Variants in PCSK5 observed in about 807,000 individuals in gnomAD.
The protein encoded by PCSK5 is prohormone convertase 5.
PCSK5 carries 129 observed loss-of-function variants against 233.2 expected under a neutral mutation model. The ratio of observed to expected loss-of-function variants is 0.55; its 90% CI spans 0.48 to 0.64. The LOEUF (loss-of-function observed/expected upper bound fraction) is 0.64. Ranked by LOEUF, PCSK5 falls within the 30% of genes least tolerant of loss-of-function variation. The pLI is 0.00. For synonymous variants in PCSK5, 825 were observed against 879.2 expected (o/e 0.94, Z 1.09); for missense variants, 2,076 against 2,430.1 (o/e 0.85, Z 3.06).
intron 5 of PCSK5, among the ~76,000 whole-genome samples, chr9:76,063,215 G>A (rs1447469872): frequency 6.7e-6 from 1 of 150,278 alleles, no homozygotes; most frequent in African/African-American, 2.5e-5. Context: ...GTTCACTGCA[G>A]CCTTGATCTC....
chr9:76,095,177 A>G (rs773874651), intron 7 of PCSK5, among the ~76,000 whole-genome samples: 4 of 152,202 alleles, frequency 2.6e-5, no homozygotes, highest in Non-Finnish European at 5.9e-5. Flanking sequence ...TATTTATGGT[A>G]GCATCCATTA....
chr9:76,270,034 C>CT (rs150429170), intron 24 of PCSK5, among the ~76,000 whole-genome samples: 1,903 of 149,646 alleles, frequency 0.013, 42 homozygotes, highest in African/African-American at 0.044. Flanking sequence ...ATGAGCAACT[C>CT]TTTTTTTTTT....
chr9:76,184,500 G>A (rs978537174), intron 16 of PCSK5, among the ~76,000 whole-genome samples, 173 bp from the exon 17 acceptor site: 15 of 152,202 alleles, frequency 9.9e-5, no homozygotes, highest in African/African-American at 3.6e-4. Context: ...GTTCCTGTCT[G>A]TACTTGGTTT....
intron 10 of PCSK5, among the ~76,000 whole-genome samples, chr9:76,153,543 G>A (rs1487273863): frequency 1.3e-5 from 2 of 152,172 alleles, no homozygotes; most frequent in Admixed American, 6.5e-5. Flanking sequence ...GCTCTGAACT[G>A]GGTGTGAGAA....
chr9:75,946,754 A>T (rs1298593603), intron 2 of PCSK5, among the ~76,000 whole-genome samples: 1 of 151,888 alleles, frequency 6.6e-6, no homozygotes, highest in African/African-American at 2.4e-5. Flanking sequence ...ATGCCAGCTA[A>T]TTTTTTTGTA....
At chr9:76,280,733 C>A (rs1450432162) in intron 24 of PCSK5, among the ~76,000 whole-genome samples, 1 of 151,838 alleles carries the variant, frequency 6.6e-6, no homozygotes, top group African/African-American at 2.4e-5. Flanking sequence ...CAGACTCTGT[C>A]TCAAAAAAAC....
intron 10 of PCSK5, among the ~76,000 whole-genome samples, chr9:76,151,490 C>G (rs1279029287): frequency 6.6e-6 from 1 of 152,212 alleles, no homozygotes; most frequent in Non-Finnish European, 1.5e-5. Context: ...CCCCTGCTGA[C>G]CATTCACCCG....
At chr9:75,949,663 G>A (rs911717783) in intron 2 of PCSK5, among the ~76,000 whole-genome samples, 4 of 151,976 alleles carry the variant, frequency 2.6e-5, no homozygotes, top group Non-Finnish European at 4.4e-5. Context: ...AAGTAGCTGG[G>A]ACTATAGGCG....
Position 76,358,551 on chromosome 9 carries a change from A to G in PCSK5, c.5293A>G (p.Thr1765Ala). 6.2e-7 allele frequency: 1 copy of G among 1,612,762 alleles called. No individual in the cohort carries two copies. The highest frequency in any genetic ancestry group is 8.5e-7 in the Non-Finnish European group (1 of 1,179,818). Residue 1765 changes from threonine to alanine, a missense_variant, in exon 38 of 38, where the codon ACT becomes GCT. Transcript: ENST00000674117. The part of the protein sequence containing the change: ...ILRTSKVRPA[T>A]EHFKTALFIT... ...TCGAACAAGCAAGGTTAGGCCTGCAACTGAGCATTTCAAGACAGCTCTGTT... is the reference window on the plus strand; with the variant it reads ...TCGAACAAGCAAGGTTAGGCCTGCAGCTGAGCATTTCAAGACAGCTCTGTT...
At chr9:76,275,751 C>T (rs1205073327) in intron 24 of PCSK5, among the ~76,000 whole-genome samples, 1 of 152,104 alleles carries the variant, frequency 6.6e-6, no homozygotes, top group Non-Finnish European at 1.5e-5. Flanking sequence ...TGTGGGAAGA[C>T]AGAAGAGAGA....
intron 1 of PCSK5, among the ~76,000 whole-genome samples, chr9:75,907,322 A>T (rs1826303175): frequency 6.6e-6 from 1 of 152,202 alleles, no homozygotes. Flanking sequence ...ACGTACGTAA[A>T]ATGTAAAATA....
chr9:76,112,818 A>G (rs1832277314), intron 9 of PCSK5, among the ~76,000 whole-genome samples: 1 of 152,052 alleles, frequency 6.6e-6, no homozygotes, highest in Admixed American at 6.6e-5. Context: ...AGTCAATGAA[A>G]TCGTTCTGGG....
intron 24 of PCSK5, among the ~76,000 whole-genome samples, chr9:76,259,225 C>A (rs973665287): frequency 6.6e-6 from 1 of 152,160 alleles, no homozygotes; most frequent in Non-Finnish European, 1.5e-5. Context: ...TCAGTGTCTA[C>A]CTCTTGTTCC....
At chr9:76,338,474 G>A (rs765682557) in intron 35 of PCSK5, 27 bp downstream of exon 35, 1 of 1,488,668 alleles carries the variant, frequency 6.7e-7, no homozygotes, top group East Asian at 2.3e-5. Context: ...CATTTTGCAT[G>A]AGTGCGTAGA....
At chr9:76,336,535 A>C (rs964075048) in intron 34 of PCSK5, among the ~76,000 whole-genome samples, 1 of 152,180 alleles carries the variant, frequency 6.6e-6, no homozygotes, top group Non-Finnish European at 1.5e-5. Context: ...TGTAGCGTTT[A>C]ACAGTTAAGC....
rs1017885091 is a variant in PCSK5, at chr9:76,360,976, C to T, written c.*2054C>T. 4.6e-5 allele frequency: 7 copies of T among 152,110 alleles called. No homozygotes were observed. The highest frequency in any genetic ancestry group is 1.7e-4 in the African/African-American group (7 of 41,408). 9.4% of individuals were successfully genotyped at this position (152,110 alleles called of 1,614,324 possible). Reference sequence around the variant, plus strand: ...TGGCCAACAGGCTGTACTTTGCTGACTTTATCTTTAAAACAGTTTTCAGAG... The same window carrying T: ...TGGCCAACAGGCTGTACTTTGCTGATTTTATCTTTAAAACAGTTTTCAGAG... On this transcript the variant is annotated 3_prime_UTR_variant, in exon 38 of 38. Coordinates refer to ENST00000674117, the MANE Select transcript of PCSK5 (RefSeq NM_001372043.1).
At chr9:76,358,440 A>C (rs1830356778) in intron 37 of PCSK5, 73 bp from the exon 38 acceptor site, 1 of 1,186,036 alleles carries the variant, frequency 8.4e-7, no homozygotes, top group Admixed American at 2.4e-5. Context: ...TTTACCTCAG[A>C]AACTAATTTT....
intron 2 of PCSK5, among the ~76,000 whole-genome samples, chr9:75,935,447 C>T (rs1189659093): frequency 2.0e-5 from 3 of 152,120 alleles, no homozygotes; most frequent in African/African-American, 4.8e-5. Flanking sequence ...AGATATGATG[C>T]GCCTTCAATT....
chr9:76,030,616 CT>C (rs970516731), intron 5 of PCSK5, among the ~76,000 whole-genome samples: 17 of 152,028 alleles, frequency 1.1e-4, no homozygotes, highest in African/African-American at 4.1e-4. Flanking sequence ...AGTTAAAAAC[CT>C]TTTTATATTC....
Sources: gnomAD v4.1 joint callset for allele counts (sites outside exome capture counted in the v4.1 genomes callset) on GRCh38, gnomAD v4.1.1 for gene constraint, MANE v1.5 for transcripts, NCBI Gene and HGNC (gene_info 2026-07-23, HGNC 2026-07-21) for gene names.